The following RXFP1 variants were observed in gnomAD, a reference collection of about 807,000 sequenced individuals.
RXFP1 encodes relaxin receptor 1.
Under a neutral mutation model 89.8 loss-of-function variants are expected in RXFP1, and 73 were observed. That is an observed-to-expected ratio of 0.81 (90% CI 0.67 to 0.99). The LOEUF is 0.99. Ranked by LOEUF, RXFP1 falls within the 50% of genes least tolerant of loss-of-function variation. The pLI, the probability that RXFP1 is intolerant of heterozygous loss-of-function variation, is 0.00. For missense variants in RXFP1, 793 were observed against 895.5 expected, an observed-to-expected ratio of 0.89 and a Z score of 1.46; for synonymous variants, 277 against 305.5, an observed-to-expected ratio of 0.91 and a Z score of 0.97.
rs1170976439 is a variant in RXFP1 at position 158,647,204 on chromosome 4, A to G, written c.1756+3A>G. On this transcript the variant is annotated splice_donor_region_variant and intron_variant, in intron 16 of 17. Transcript: ENST00000307765. ...TTATTCAGTGGCAATTTTTCTTGGT[A>G]AGAAACTAAGAAACTAATGTTCACA... 4 of 1,544,188 alleles carry G rather than the reference A, an allele frequency of 2.6e-6. No individual in the cohort carries two copies. The highest frequency in any genetic ancestry group is 8.7e-7 in the Non-Finnish European group (1 of 1,148,652).
intron 14 of RXFP1, among the ~76,000 whole-genome samples, chr4:158,641,558 T>C (rs1036562947): frequency 1.3e-5 from 2 of 152,238 alleles, no homozygotes; most frequent in African/African-American, 2.4e-5. Context: ...TCTTTCCTCA[T>C]GTTCTGCTCT....
intron 1 of RXFP1, among the ~76,000 whole-genome samples, chr4:158,528,596 T>TC (rs1327647791): frequency 6.6e-6 from 1 of 152,144 alleles, no homozygotes; most frequent in African/African-American, 2.4e-5. Flanking sequence ...CCTATCCTAT[T>TC]CCCCAGACAA....
At chr4:158,592,177 A>G (rs1212048076) in intron 2 of RXFP1, among the ~76,000 whole-genome samples, 3 of 152,344 alleles carry the variant, frequency 2.0e-5, no homozygotes, top group Non-Finnish European at 4.4e-5. Flanking sequence ...AGAAATATAT[A>G]TATAAGCACT....
intron 1 of RXFP1, among the ~76,000 whole-genome samples, chr4:158,563,867 TTATA>T (rs1399438410): frequency 6.7e-6 from 1 of 148,304 alleles, no homozygotes; most frequent in Non-Finnish European, 1.5e-5. Context: ...TTATATAATG[TTATA>T]TATAATATAA....
intron 1 of RXFP1, among the ~76,000 whole-genome samples, chr4:158,568,093 A>G (rs1220575728): frequency 6.6e-6 from 1 of 152,092 alleles, no homozygotes; most frequent in Non-Finnish European, 1.5e-5. Flanking sequence ...GAGCTGTAAT[A>G]CTCACCACAA....
intron 8 of RXFP1, among the ~76,000 whole-genome samples, chr4:158,614,813 GT>G (rs1764237633): frequency 6.6e-6 from 1 of 152,146 alleles, no homozygotes; most frequent in African/African-American, 2.4e-5. Flanking sequence ...ATGAGGCCTG[GT>G]TTTTTGACTT....
chr4:158,617,188 GC>G lies in RXFP1; in HGVS notation c.740del (p.Pro247GlnfsTer16). On this transcript the variant is annotated frameshift_variant, in exon 9 of 18. Transcript: ENST00000307765. LOFTEE classifies it high-confidence loss of function. ...CTGATAAACCTCTCTGTCAACACAT[GC>G]CAAGACTACATTGGCTGTAAGCGAT... ...LPDKPLCQHM[P>X]RLHWLDLEGN... The G allele has an allele frequency of 6.2e-7, 1 of 1,609,596 alleles. No individual in the cohort carries two copies. The highest frequency in any genetic ancestry group is 1.3e-5 in the African/African-American group (1 of 74,682).
At position 158,634,341 on chromosome 4, in the gene RXFP1, GT is replaced by G. The variant is rs796999940; in HGVS notation, c.971+866del. Among the ~76,000 whole-genome samples, 5 of 152,122 alleles carry G rather than the reference GT, an allele frequency of 3.3e-5. No individual in the cohort carries two copies. The South Asian group carries it at 1.0e-3, about 32-fold the overall frequency. On this transcript the variant is annotated intron_variant, in intron 12 of 17. Coordinates refer to ENST00000307765, the MANE Select transcript of RXFP1 (RefSeq NM_021634.4). ...CCTTCTTGCAGAAAAATCTGTTCAA[GT>G]CATTCACTCATTTTTCAATTGGATT...
At chr4:158,564,611 C>G (rs1200420834) in intron 1 of RXFP1, among the ~76,000 whole-genome samples, 2 of 152,162 alleles carry the variant, frequency 1.3e-5, no homozygotes, top group African/African-American at 2.4e-5. Context: ...TCAAAATTGT[C>G]AACCACTTAA....
chr4:158,610,680 A>G, intron 6 of RXFP1: 1 of 1,289,740 alleles, frequency 7.8e-7, no homozygotes, highest in Non-Finnish European at 1.0e-6. Context: ...GGACTGGGCA[A>G]AACAGGTGAG....
chr4:158,628,861 C>A, intron 11 of RXFP1, 152 bp downstream of exon 11: 1 of 413,722 alleles, frequency 2.4e-6, no homozygotes, highest in Non-Finnish European at 4.4e-6. Context: ...CAAAGGAATT[C>A]AGATGGCATA....
At chr4:158,598,844 C>T (rs548891066) in intron 3 of RXFP1, among the ~76,000 whole-genome samples, 2 of 151,916 alleles carry the variant, frequency 1.3e-5, no homozygotes, top group South Asian at 4.2e-4. Context: ...ACTATAGACA[C>T]TATCATTTGC....
intron 9 of RXFP1, among the ~76,000 whole-genome samples, chr4:158,617,642 T>C (rs1391532368): frequency 6.6e-6 from 1 of 152,124 alleles, no homozygotes; most frequent in Admixed American, 6.6e-5. Context: ...ATAAAATATG[T>C]TCCATGGAAT....
chr4:158,645,168 T>C (rs376435448), intron 15 of RXFP1, 30 bp downstream of exon 15: 13 of 1,523,658 alleles, frequency 8.5e-6, no homozygotes, highest in African/African-American at 8.2e-5. Flanking sequence ...AGGAGAATTG[T>C]AGTTTTGAAA....
intron 1 of RXFP1, among the ~76,000 whole-genome samples, chr4:158,548,371 T>A (rs1749107661): frequency 1.3e-5 from 2 of 152,216 alleles, no homozygotes; most frequent in Admixed American, 1.3e-4. Context: ...GTTTCCTGAA[T>A]ACAGCACACT....
intron 1 of RXFP1, among the ~76,000 whole-genome samples, chr4:158,552,653 A>G (rs1290429456): frequency 2.0e-5 from 3 of 152,232 alleles, no homozygotes; most frequent in Non-Finnish European, 4.4e-5. Context: ...GAATTAGAAT[A>G]GTGAGACTAC....
At chr4:158,535,397 A>T (rs1371636257) in intron 1 of RXFP1, among the ~76,000 whole-genome samples, 2 of 152,254 alleles carry the variant, frequency 1.3e-5, no homozygotes, top group African/African-American at 4.8e-5. Flanking sequence ...AAATGGACTA[A>T]AATGTGAGAA....
chr4:158,601,329 G>A (rs961275303), intron 4 of RXFP1, among the ~76,000 whole-genome samples: 17 of 152,094 alleles, frequency 1.1e-4, no homozygotes, highest in South Asian at 4.2e-4. Context: ...CAGTATGATC[G>A]GAGAATGAGG....
intron 2 of RXFP1, among the ~76,000 whole-genome samples, chr4:158,578,805 A>G (rs1756763327): frequency 6.6e-6 from 1 of 151,892 alleles, no homozygotes; most frequent in African/African-American, 2.4e-5. Flanking sequence ...CTACAGGAAA[A>G]GGATAAAGGC....
Sources: gnomAD v4.1 joint callset for allele counts (sites outside exome capture counted in the v4.1 genomes callset) on GRCh38, gnomAD v4.1.1 for gene constraint, MANE v1.5 for transcripts, NCBI Gene and HGNC (gene_info 2026-07-23, HGNC 2026-07-21) for gene names.